Variants in ACSF3 observed in about 807,000 individuals in gnomAD.
ACSF3 encodes acyl-CoA synthetase family member 3.
ACSF3 carries 78 observed loss-of-function variants against 53.2 expected under a neutral mutation model. The observed-to-expected ratio is 1.47, with a 90% confidence interval of 1.22 to 1.77. The LOEUF (loss-of-function observed/expected upper bound fraction) is 1.77. Ranked by LOEUF, ACSF3 falls within the 40% of genes most tolerant of loss-of-function variation. The pLI is 0.00. For missense variants in ACSF3, 937 were observed against 771.1 expected, an observed-to-expected ratio of 1.22 and a Z score of -2.55; for synonymous variants, 414 against 333.1, an observed-to-expected ratio of 1.24 and a Z score of -2.65.
chr16:89,151,969 A>G (rs578070582), intron 10 of ACSF3: 4 of 152,396 alleles, frequency 2.6e-5, no homozygotes, highest in South Asian at 4.1e-4. Context: ...AAGCATTTGC[A>G]AATGTCAAAA....
At chr16:89,135,927 A>G (rs907812787) in intron 8 of ACSF3, among the ~76,000 whole-genome samples, 1 of 152,218 alleles carries the variant, frequency 6.6e-6, no homozygotes, top group Non-Finnish European at 1.5e-5. Flanking sequence ...GGCGCCCGCC[A>G]CCACGCCCGG....
At chr16:89,114,982 C>T (rs1299328941) in intron 6 of ACSF3, 1 of 260,866 alleles carries the variant, frequency 3.8e-6, no homozygotes, top group Admixed American at 4.9e-5. Flanking sequence ...ATACCGGGCC[C>T]CTCTTGTCCA....
chr16:89,116,613 G>T (rs1431448192), intron 6 of ACSF3, among the ~76,000 whole-genome samples: 1 of 152,244 alleles, frequency 6.6e-6, no homozygotes, highest in African/African-American at 2.4e-5. Context: ...GTGCAGAGCT[G>T]CCAGTGGGGT....
chr16:89,135,425 C>T (rs1267848511), intron 8 of ACSF3, among the ~76,000 whole-genome samples: 1 of 152,218 alleles, frequency 6.6e-6, no homozygotes, highest in Non-Finnish European at 1.5e-5. Flanking sequence ...AGTGAAGGCT[C>T]CGTGAGCCCC....
chr16:89,134,993 G>A (rs184579851), intron 8 of ACSF3, among the ~76,000 whole-genome samples: 53 of 151,938 alleles, frequency 3.5e-4, no homozygotes, highest in Admixed American at 3.3e-3. Flanking sequence ...GGTACTCACT[G>A]TAGTGTATTT....
rs143205258 is a variant in ACSF3, at chr16:89,109,833, C to T, written c.823-2259C>T. Among the ~76,000 whole-genome samples the T allele has an allele frequency of 8.6e-3, 1,309 of 152,276 alleles. 19 individuals carry two copies. The highest frequency in any genetic ancestry group is 0.03 in the African/African-American group (1,235 of 41,540). On this transcript the variant is annotated intron_variant, in intron 4 of 10. Transcript: ENST00000614302. ...CACTCCTGAGCTCAAGGGATCCTCC[C>T]GCCTCAGCCTCCCAAAGTGCCGGGA...
intron 4 of ACSF3, among the ~76,000 whole-genome samples, chr16:89,104,128 C>T (rs1392226073): frequency 1.3e-5 from 2 of 152,188 alleles, no homozygotes; most frequent in South Asian, 2.1e-4. Flanking sequence ...AGGAAGGACA[C>T]GGTGTGCGTA....
intron 3 of ACSF3, chr16:89,102,383 C>T (rs1034515877): frequency 1.6e-6 from 1 of 617,134 alleles, no homozygotes; most frequent in Non-Finnish European, 2.9e-6. Flanking sequence ...GTGTGTGGCG[C>T]TGTCCTCTGT....
chr16:89,101,043 T>C lies in ACSF3; in HGVS notation c.362T>C (p.Val121Ala). The C allele has an allele frequency of 3.1e-6, 5 of 1,613,966 alleles. No individual in the cohort carries two copies. The East Asian group carries it at 1.1e-4, about 36-fold the overall frequency. Residue 121 changes from valine to alanine, a missense_variant, in exon 3 of 11, where the codon GTG (valine) becomes GCG (alanine). By Grantham distance (64) the Val-to-Ala change is moderately conservative. Transcript: ENST00000614302. Reference sequence around the variant, plus strand: ...TGGGCGTCATGGATGAGTGGCGGTGTGGCAGTCCCCCTCTACAGGAAGCAT... The same window carrying C: ...TGGGCGTCATGGATGAGTGGCGGTGCGGCAGTCCCCCTCTACAGGAAGCAT... ...AQWASWMSGG[V>A]AVPLYRKHPA... is the part of the protein sequence containing the mutation.
At chr16:89,098,258 G>C (rs1480236206) in intron 1 of ACSF3, among the ~76,000 whole-genome samples, 1 of 152,192 alleles carries the variant, frequency 6.6e-6, no homozygotes, top group Non-Finnish European at 1.5e-5. Flanking sequence ...CAAACTAAGA[G>C]CAGAAAACAA....
At chr16:89,132,706 G>C (rs576258870) in intron 7 of ACSF3, among the ~76,000 whole-genome samples, 1 of 152,374 alleles carries the variant, frequency 6.6e-6, no homozygotes, top group African/African-American at 2.4e-5. Context: ...ACAGGTGCCC[G>C]CTGCTGTGTT....
chr16:89,094,823 A>G (rs1974424112), intron 1 of ACSF3, among the ~76,000 whole-genome samples: 1 of 152,210 alleles, frequency 6.6e-6, no homozygotes, highest in African/African-American at 2.4e-5. Flanking sequence ...TGAGCCCAGG[A>G]ATCGGAGGCT....
chr16:89,143,725 C>G (rs2151557766), intron 8 of ACSF3, among the ~76,000 whole-genome samples: 1 of 152,292 alleles, frequency 6.6e-6, no homozygotes, highest in South Asian at 2.1e-4. Flanking sequence ...TGAGACCACT[C>G]TCCTGTCGGG....
chr16:89,144,936 C>T (rs1177285905), intron 8 of ACSF3, among the ~76,000 whole-genome samples: 1 of 152,248 alleles, frequency 6.6e-6, no homozygotes, highest in Non-Finnish European at 1.5e-5. Context: ...CTTCTGGCAC[C>T]TCCTGCTCCT....
At chr16:89,133,682 G>A (rs1306757783) in intron 8 of ACSF3, among the ~76,000 whole-genome samples, 1 of 152,192 alleles carries the variant, frequency 6.6e-6, no homozygotes, top group African/African-American at 2.4e-5. Flanking sequence ...CCACCCCCAC[G>A]CTTAGCCACA....
At chr16:89,127,947 T>C (rs933462412) in intron 7 of ACSF3, among the ~76,000 whole-genome samples, 1 of 152,186 alleles carries the variant, frequency 6.6e-6, no homozygotes, top group Non-Finnish European at 1.5e-5. Context: ...TGGTAATTTG[T>C]GTCTTCTGTT....
intron 3 of ACSF3, among the ~76,000 whole-genome samples, 194 bp downstream of exon 3, chr16:89,101,541 G>A (rs1204600744): frequency 6.6e-6 from 1 of 152,212 alleles, no homozygotes; most frequent in Non-Finnish European, 1.5e-5. Context: ...CACGCAGGAC[G>A]GCTCTGGGAG....
chr16:89,094,053 G>C (rs552196056), intron 1 of ACSF3, 57 bp downstream of exon 1: 1 of 150,702 alleles, frequency 6.6e-6, no homozygotes, highest in African/African-American at 2.4e-5. Flanking sequence ...CAGAGCTCTC[G>C]GGGGCGCGGG....
At chr16:89,153,974 GGC>G in intron 10 of ACSF3, 114 bp from the exon 11 acceptor site, 1 of 1,096,478 alleles carries the variant, frequency 9.1e-7, no homozygotes. Flanking sequence ...GGATGGCCGA[GGC>G]GCCTGGCAAG....
Sources: allele counts gnomAD v4.1 joint callset (sites outside exome capture counted in the v4.1 genomes callset), GRCh38; gene constraint gnomAD v4.1.1; transcripts MANE v1.5; gene names NCBI Gene and HGNC (gene_info 2026-07-23, HGNC 2026-07-21).